The following TEK variants were observed in gnomAD, a reference collection of about 807,000 sequenced individuals.
TEK encodes the protein TEK receptor tyrosine kinase, also known as angiopoietin-1 receptor.
Under a neutral mutation model 131.8 loss-of-function variants are expected in TEK, and 43 were observed. The ratio of observed to expected loss-of-function variants is 0.33; its 90% CI spans 0.26 to 0.42. The LOEUF is 0.42. TEK is among the 10% of genes least tolerant of loss of function. TEK has a pLI of 1.00. For missense variants in TEK, 1,162 were observed against 1,384.4 expected, an observed-to-expected ratio of 0.84 and a Z score of 2.55; for synonymous variants, 580 against 491.6, an observed-to-expected ratio of 1.18 and a Z score of -2.38.
chr9:27,127,984 G>T (rs1211117940), intron 1 of TEK, among the ~76,000 whole-genome samples: 1 of 152,140 alleles, frequency 6.6e-6, no homozygotes, highest in Non-Finnish European at 1.5e-5. Context: ...AGTTTAATTA[G>T]ATCCCATTTG....
intron 18 of TEK, among the ~76,000 whole-genome samples, chr9:27,216,492 G>GAGTT (rs776203476): frequency 6.6e-6 from 1 of 152,202 alleles, no homozygotes; most frequent in Non-Finnish European, 1.5e-5. Context: ...ACTGTAGAGA[G>GAGTT]AGTTAGAATA....
At chr9:27,208,316 A>G (rs960228942) in intron 15 of TEK, among the ~76,000 whole-genome samples, 19 of 151,598 alleles carry the variant, frequency 1.3e-4, no homozygotes, top group Non-Finnish European at 7.4e-5. Context: ...GGCCACCAGC[A>G]CCTCACTCCT....
rs538304533 is a variant in TEK, at chr9:27,175,691, G to A, written c.901+2329G>A. Reference sequence around the variant, plus strand: ...TAATGATCGCCATTCTAACTGGTGTGAGATGGTATCTCATTGTGGTTTTGA... The same window carrying A: ...TAATGATCGCCATTCTAACTGGTGTAAGATGGTATCTCATTGTGGTTTTGA... On this transcript the variant is annotated intron_variant, in intron 6 of 22. Coordinates refer to ENST00000380036, the MANE Select transcript of TEK (RefSeq NM_000459.5). 7.1e-3 allele frequency among the ~76,000 whole-genome samples: 1,075 copies of A among 152,218 alleles called. 7 individuals carry two copies. Among genetic ancestry groups the A allele is most frequent in the Non-Finnish European group, 0.012 (823 of 68,012 alleles).
intron 19 of TEK, among the ~76,000 whole-genome samples, chr9:27,218,545 C>CTAGTTAAAGTGATT (rs1825917616): frequency 6.6e-6 from 1 of 152,100 alleles, no homozygotes. Flanking sequence ...CTTGTAGTCT[C>CTAGTTAAAGTGATT]TAGTTAAAGT....
chr9:27,129,549 A>G (rs960197858), intron 1 of TEK, among the ~76,000 whole-genome samples: 1 of 152,144 alleles, frequency 6.6e-6, no homozygotes, highest in African/African-American at 2.4e-5. Flanking sequence ...TCCTCTGGAA[A>G]TCTTAGCAGG....
rs1037407461 is a variant in TEK at position 27,197,666 on chromosome 9, A to G, written c.1909+67A>G. The G allele has an allele frequency of 3.1e-6, 5 of 1,592,136 alleles. No homozygotes were observed. In the African/African-American group the frequency reaches 6.7e-5, roughly 21 times the overall value. ...GGGCTACCGCCATGCAGACTTAGCT[A>G]ACATCACTGCAGGACTATTGGAAAT... is the stretch of plus-strand genomic sequence containing the variant. On this transcript the variant is annotated intron_variant, in intron 12 of 22. Coordinates refer to ENST00000380036, the MANE Select transcript of TEK (RefSeq NM_000459.5).
At chr9:27,208,137 C>T (rs1825466583) in intron 15 of TEK, among the ~76,000 whole-genome samples, 1 of 152,096 alleles carries the variant, frequency 6.6e-6, no homozygotes, top group South Asian at 2.1e-4. Flanking sequence ...CAAAGAAGGG[C>T]AGTTACTGAA....
intron 1 of TEK, among the ~76,000 whole-genome samples, chr9:27,155,059 C>A (rs1823280207): frequency 6.6e-6 from 1 of 152,222 alleles, no homozygotes; most frequent in African/African-American, 2.4e-5. Flanking sequence ...AGACTCTTGA[C>A]TGGCCCTAGA....
In TEK at chr9:27,194,732, T is replaced by C. The variant is rs973633871; in HGVS notation, c.1624+2109T>C. ...GGAGGTCTCTCAGAATATTTCAAAGTAGTTCTCAGGGGTAGGCGGGAAGGG... is the reference window on the plus strand; with the variant it reads ...GGAGGTCTCTCAGAATATTTCAAAGCAGTTCTCAGGGGTAGGCGGGAAGGG... On this transcript the variant is annotated intron_variant, in intron 11 of 22. Coordinates refer to ENST00000380036, the MANE Select transcript of TEK (RefSeq NM_000459.5). Among the ~76,000 whole-genome samples, 6 of 152,172 alleles carry C rather than the reference T, an allele frequency of 3.9e-5. No homozygotes were observed. In the South Asian group the frequency reaches 1.2e-3, roughly 32 times the overall value.
At chr9:27,112,997 A>C (rs976380258) in intron 1 of TEK, among the ~76,000 whole-genome samples, 1 of 152,214 alleles carries the variant, frequency 6.6e-6, no homozygotes, top group Non-Finnish European at 1.5e-5. Context: ...TTGTATTAGC[A>C]GAAATATGAA....
chr9:27,155,268 G>A (rs1165946947), intron 1 of TEK, among the ~76,000 whole-genome samples: 1 of 152,182 alleles, frequency 6.6e-6, no homozygotes, highest in African/African-American at 2.4e-5. Context: ...GTTAGGCTTT[G>A]TAGCTCGTCG....
Position 27,197,211 on chromosome 9 carries a change from C to T in TEK, c.1625-104C>T, listed in dbSNP as rs1053311344. 3.8e-6 allele frequency: 5 copies of T among 1,317,616 alleles called. No homozygotes were observed. In the African/African-American group the frequency reaches 4.4e-5, roughly 12 times the overall value. The allele number at this position is 1,317,616 out of a possible 1,614,324, so 81.6% of individuals were successfully genotyped here. A position where few individuals can be genotyped will look rare whatever the true frequency, so the allele number is the denominator to read the frequency against. On this transcript the variant is annotated intron_variant, in intron 11 of 22. Coordinates refer to ENST00000380036, the MANE Select transcript of TEK (RefSeq NM_000459.5). ...CCAATCACCTCCCACCAGGCCCCAC[C>T]TCCAACACTGGGGATTACATTTCAG...
chr9:27,137,295 T>C (rs1479950630), intron 1 of TEK, among the ~76,000 whole-genome samples: 2 of 152,234 alleles, frequency 1.3e-5, no homozygotes, highest in Non-Finnish European at 2.9e-5. Flanking sequence ...ATTACAATTG[T>C]GATTTACTAA....
At chr9:27,202,696 G>A in intron 12 of TEK, 124 bp from the exon 13 acceptor site, 1 of 1,004,340 alleles carries the variant, frequency 1.0e-6, no homozygotes, top group Non-Finnish European at 1.5e-6. Flanking sequence ...CAATTGATTG[G>A]GGTACCATAT....
chr9:27,122,030 T>C (rs181320642), intron 1 of TEK, among the ~76,000 whole-genome samples: 101 of 152,370 alleles, frequency 6.6e-4, no homozygotes, highest in African/African-American at 2.0e-3. Flanking sequence ...AATAAAATTA[T>C]AGACAAGACC....
chr9:27,134,420 C>G (rs1248887867), intron 1 of TEK, among the ~76,000 whole-genome samples: 1 of 152,124 alleles, frequency 6.6e-6, no homozygotes, highest in Non-Finnish European at 1.5e-5. Context: ...TCTCAGCAAC[C>G]AAGTTTTCGT....
chr9:27,120,189 C>T lies in TEK; in HGVS notation c.52+10547C>T, dbSNP rs115122070. ...GTCTTTGCCTGCCTCACCAGCCTCT[C>T]GTGGTTCTCAGTCCCACATACTATG... On this transcript the variant is annotated intron_variant, in intron 1 of 22. Transcript: ENST00000380036. Among the ~76,000 whole-genome samples the T allele has an allele frequency of 8.9e-3, 1,357 of 152,308 alleles. 19 individuals are homozygous for T. Among genetic ancestry groups the T allele is most frequent in the African/African-American group, 0.031 (1,289 of 41,568 alleles).
chr9:27,193,407 G>T lies in TEK; in HGVS notation c.1624+784G>T, dbSNP rs183674409. 2.1e-4 allele frequency among the ~76,000 whole-genome samples: 32 copies of T among 152,212 alleles called. No individual in the cohort carries two copies. In the East Asian group the frequency reaches 6.0e-3, roughly 28 times the overall value. ...AGTAGGTTCCCAAGTGATGCTGCTG[G>T]TCCTGGGTCCACACGTTCTAGATAA... is the stretch of plus-strand genomic sequence containing the variant. On this transcript the variant is annotated intron_variant, in intron 11 of 22. Transcript: ENST00000380036.
chr9:27,139,808 A>G (rs182502092), intron 1 of TEK, among the ~76,000 whole-genome samples: 3 of 152,204 alleles, frequency 2.0e-5, no homozygotes, highest in Admixed American at 6.5e-5. Flanking sequence ...GTGTGTATGT[A>G]TAGTACAGCA....
Sources: allele counts gnomAD v4.1 joint callset (sites outside exome capture counted in the v4.1 genomes callset), GRCh38; gene constraint gnomAD v4.1.1; transcripts MANE v1.5; gene names NCBI Gene and HGNC (gene_info 2026-07-23, HGNC 2026-07-21).